The following MCUB variants were observed in gnomAD, a reference collection of about 807,000 sequenced individuals.
MCUB encodes the protein calcium uniporter regulatory subunit MCUb, mitochondrial.
MCUB carries 46 observed loss-of-function variants against 41.4 expected under a neutral mutation model. The observed-to-expected ratio is 1.11, with a 90% CI of 0.88 to 1.42. MCUB has a LOEUF of 1.42. Among genes scored for constraint, MCUB ranks in the 40% most tolerant of loss-of-function variants. The probability of loss-of-function intolerance (pLI) is 0.00; values close to 1 mark genes in which losing one functional copy is unlikely to be tolerated. For synonymous variants in MCUB, 148 were observed against 148.2 expected, an observed-to-expected ratio of 1.00 and a Z score of 0.01; for missense variants, 403 against 404.9, an observed-to-expected ratio of 1.00 and a Z score of 0.04.
chr4:109,637,863 A>T lies in MCUB; in HGVS notation c.100-21148A>T, dbSNP rs372252894. ...ACTAAAGAACTAATTCATGTAACCA[A>T]ATACGACCTGTTCCCAAAACCCATT... On this transcript the variant is annotated intron_variant, in intron 1 of 7. Coordinates refer to ENST00000394650, the MANE Select transcript of MCUB (RefSeq NM_017918.5). Among the ~76,000 whole-genome samples, 5 of 152,242 alleles carry T rather than the reference A, an allele frequency of 3.3e-5. 1 individual carries two copies. The East Asian group carries it at 9.6e-4, about 29-fold the overall frequency.
intron 1 of MCUB, among the ~76,000 whole-genome samples, chr4:109,592,894 A>G (rs954459967): frequency 1.3e-5 from 2 of 152,216 alleles, no homozygotes; most frequent in African/African-American, 4.8e-5. Context: ...GAAAGCTCTA[A>G]TATACACACA....
At chr4:109,677,970 T>C (rs1463842734) in intron 4 of MCUB, among the ~76,000 whole-genome samples, 5 of 152,056 alleles carry the variant, frequency 3.3e-5, no homozygotes, top group Admixed American at 1.3e-4. Flanking sequence ...TGCGGCCTTC[T>C]GCAGTGTTTG....
rs34834019 is a variant in MCUB at position 109,576,518 on chromosome 4, CT to C, written c.99+16099del. On this transcript the variant is annotated intron_variant, in intron 1 of 7. Transcript: ENST00000394650. Reference sequence around the variant, plus strand: ...AATAGTAGAAAAAGATAACATTTGCCTTTTTTTTTTTTTTTTTGCCTGTCAA... The same window carrying C: ...AATAGTAGAAAAAGATAACATTTGCCTTTTTTTTTTTTTTTTGCCTGTCAA... Among the ~76,000 whole-genome samples the C allele has an allele frequency of 9.7e-3, 1,283 of 131,676 alleles. 10 individuals are homozygous for C. Among genetic ancestry groups the C allele is most frequent in the African/African-American group, 0.029 (1,041 of 35,340 alleles). 86.4% of individuals were successfully genotyped at this position (131,676 alleles called of 152,430 possible).
At chr4:109,577,219 A>T (rs1727051463) in intron 1 of MCUB, among the ~76,000 whole-genome samples, 2 of 152,206 alleles carry the variant, frequency 1.3e-5, no homozygotes, top group South Asian at 4.1e-4. Flanking sequence ...AAATGGAAAA[A>T]TCCTCAGTCC....
intron 1 of MCUB, among the ~76,000 whole-genome samples, chr4:109,627,318 GAATTA>G (rs1728382324): frequency 1.3e-5 from 2 of 152,138 alleles, no homozygotes; most frequent in Non-Finnish European, 2.9e-5. Flanking sequence ...TGTTGTTGAA[GAATTA>G]AATTAATCTC....
intron 4 of MCUB, among the ~76,000 whole-genome samples, chr4:109,665,795 CTTCT>C (rs1729331783): frequency 6.6e-6 from 1 of 152,020 alleles, no homozygotes; most frequent in African/African-American, 2.4e-5. Flanking sequence ...TTCAGATTCG[CTTCT>C]TTCTTTCTTT....
At chr4:109,656,203 G>C (rs1365403669) in intron 1 of MCUB, among the ~76,000 whole-genome samples, 1 of 151,836 alleles carries the variant, frequency 6.6e-6, no homozygotes, top group Non-Finnish European at 1.5e-5. Context: ...TATGTCTTTA[G>C]CATTATACGG....
intron 5 of MCUB, chr4:109,682,968 C>T (rs1729753819): frequency 7.3e-6 from 3 of 411,432 alleles, no homozygotes; most frequent in East Asian, 9.1e-5. Context: ...CTTGAGCTCA[C>T]GTGGCCTGTG....
At chr4:109,682,799 GCTC>G (rs768053147) in intron 5 of MCUB, 57 bp downstream of exon 5, 14 of 1,334,734 alleles carry the variant, frequency 1.0e-5, no homozygotes, top group African/African-American at 1.0e-4. Flanking sequence ...TTTATTGAGT[GCTC>G]CTCATGTGAG....
chr4:109,627,996 A>G (rs1449005020), intron 1 of MCUB, among the ~76,000 whole-genome samples: 2 of 151,932 alleles, frequency 1.3e-5, no homozygotes, highest in Admixed American at 1.3e-4. Flanking sequence ...CATATAACAT[A>G]TAAGTCATTT....
At chr4:109,593,879 A>G (rs1727495459) in intron 1 of MCUB, among the ~76,000 whole-genome samples, 1 of 152,232 alleles carries the variant, frequency 6.6e-6, no homozygotes, top group Admixed American at 6.5e-5. Flanking sequence ...TATCATAGAT[A>G]TGAAGTCAAT....
chr4:109,594,605 G>A (rs1727514129), intron 1 of MCUB, among the ~76,000 whole-genome samples: 1 of 151,954 alleles, frequency 6.6e-6, no homozygotes, highest in African/African-American at 2.4e-5. Flanking sequence ...GTTGCAGTGA[G>A]CCAAGATTGC....
chr4:109,593,965 C>A (rs1727497182), intron 1 of MCUB, among the ~76,000 whole-genome samples: 2 of 152,124 alleles, frequency 1.3e-5, no homozygotes, highest in African/African-American at 4.8e-5. Context: ...TCCAGTCAGT[C>A]CAAGGGTAAT....
At chr4:109,620,925 G>T (rs896301316) in intron 1 of MCUB, among the ~76,000 whole-genome samples, 61 of 150,846 alleles carry the variant, frequency 4.0e-4, no homozygotes, top group African/African-American at 1.4e-3. Flanking sequence ...CCAAGATGGA[G>T]TCTCTCTCTG....
At chr4:109,604,965 A>T (rs968291915) in intron 1 of MCUB, among the ~76,000 whole-genome samples, 8 of 152,174 alleles carry the variant, frequency 5.3e-5, no homozygotes, top group African/African-American at 1.9e-4. Flanking sequence ...CATGAGGGAT[A>T]TTGACCTGTA....
intron 4 of MCUB, among the ~76,000 whole-genome samples, chr4:109,672,161 G>A (rs1173013912): frequency 1.3e-5 from 2 of 152,114 alleles, no homozygotes; most frequent in Admixed American, 1.3e-4. Context: ...TCTCCTGTGT[G>A]AGGCAGTAAG....
intron 1 of MCUB, among the ~76,000 whole-genome samples, chr4:109,581,135 C>T (rs563192012): frequency 6.6e-6 from 1 of 152,324 alleles, no homozygotes; most frequent in East Asian, 1.9e-4. Context: ...AACTATGCTA[C>T]AAGGCTACAG....
At chr4:109,586,481 A>C (rs1727308144) in intron 1 of MCUB, among the ~76,000 whole-genome samples, 1 of 152,146 alleles carries the variant, frequency 6.6e-6, no homozygotes, top group Non-Finnish European at 1.5e-5. Context: ...TTCTCCGTCC[A>C]GCTTTGTTCT....
chr4:109,643,762 C>T (rs901666151), intron 1 of MCUB, among the ~76,000 whole-genome samples: 28 of 152,142 alleles, frequency 1.8e-4, no homozygotes, highest in Non-Finnish European at 2.1e-4. Context: ...CCTCAGCCTC[C>T]CAAAGTGCTG....
Sources: gnomAD v4.1 joint callset for allele counts (sites outside exome capture counted in the v4.1 genomes callset) on GRCh38, gnomAD v4.1.1 for gene constraint, MANE v1.5 for transcripts, NCBI Gene and HGNC (gene_info 2026-07-23, HGNC 2026-07-21) for gene names.